The following ALK variants were observed in gnomAD, a reference collection of about 807,000 sequenced individuals.
ALK encodes the protein ALK receptor tyrosine kinase.
In ALK, 74 loss-of-function variants were observed where a neutral mutation model predicts 163.1. The observed-to-expected ratio is 0.45, with a 90% confidence interval of 0.38 to 0.55. ALK has a LOEUF of 0.55. Ranked by LOEUF, ALK falls within the 20% of genes least tolerant of loss-of-function variation. The probability of loss-of-function intolerance (pLI) is 0.00; values close to 1 mark genes in which losing one functional copy is unlikely to be tolerated. For missense variants in ALK, 2,063 were observed against 2,105.3 expected, an observed-to-expected ratio of 0.98 and a Z score of 0.39; for synonymous variants, 960 against 843.2, an observed-to-expected ratio of 1.14 and a Z score of -2.40.
intron 3 of ALK, among the ~76,000 whole-genome samples, chr2:29,566,425 T>G (rs1674191584): frequency 6.6e-6 from 1 of 152,212 alleles, no homozygotes; most frequent in East Asian, 1.9e-4. Context: ...CGGGTCTGCA[T>G]GGAACTTTGA....
chr2:29,253,049 G>C (rs536605403), intron 11 of ALK, among the ~76,000 whole-genome samples: 1 of 152,154 alleles, frequency 6.6e-6, no homozygotes, highest in Non-Finnish European at 1.5e-5. Context: ...CTGGAGTGCA[G>C]AGACACAATC....
chr2:29,491,133 T>C (rs149457386), intron 4 of ALK, among the ~76,000 whole-genome samples: 2 of 152,316 alleles, frequency 1.3e-5, no homozygotes, highest in African/African-American at 4.8e-5. Flanking sequence ...ATTATCTTAT[T>C]TTATTCTTTT....
intron 9 of ALK, among the ~76,000 whole-genome samples, chr2:29,293,900 T>TA (rs141230045): frequency 0.028 from 4,242 of 152,084 alleles, 75 homozygotes; most frequent in South Asian, 0.043. Flanking sequence ...TAAGCCCTAA[T>TA]AAAGTTACTT....
At chr2:29,218,402 G>C (rs1360841727) in intron 23 of ALK, among the ~76,000 whole-genome samples, 1 of 152,192 alleles carries the variant, frequency 6.6e-6, no homozygotes, top group Non-Finnish European at 1.5e-5. Flanking sequence ...TTGGGGACAG[G>C]CTCCTGTTCT....
At chr2:29,316,905 T>C (rs530668107) in intron 8 of ALK, among the ~76,000 whole-genome samples, 1 of 152,242 alleles carries the variant, frequency 6.6e-6, no homozygotes, top group Non-Finnish European at 1.5e-5. Flanking sequence ...TGTCGAGTTA[T>C]AAAATCAAAC....
chr2:29,832,624 G>T (rs992352958), intron 1 of ALK, among the ~76,000 whole-genome samples: 1 of 152,206 alleles, frequency 6.6e-6, no homozygotes, highest in African/African-American at 2.4e-5. Flanking sequence ...AGGCAATAGC[G>T]AAGCTAAAGC....
intron 9 of ALK, among the ~76,000 whole-genome samples, chr2:29,291,727 G>A (rs2339467): frequency 0.9 from 136,363 of 152,246 alleles, 62,300 homozygotes; most frequent in Non-Finnish European, 0.99. Flanking sequence ...TGTGAATTAA[G>A]CAGAATTTTT....
At chr2:29,448,366 CTTCTT>C (rs1382745188) in intron 4 of ALK, among the ~76,000 whole-genome samples, 4 of 152,182 alleles carry the variant, frequency 2.6e-5, no homozygotes, top group Non-Finnish European at 5.9e-5. Context: ...ATTCTCTTCT[CTTCTT>C]AATAGACTTG....
In ALK at chr2:29,531,913, A is replaced by G; in HGVS notation, c.1154+2T>C. On this transcript the variant is annotated splice_donor_variant, in intron 4 of 28. Coordinates refer to ENST00000389048, the MANE Select transcript of ALK (RefSeq NM_004304.5). LOFTEE classifies it high-confidence loss of function. ...CAATTTTGGACATGGAGAAGTACTT[A>G]CCCATGCTTCCCTGGAGTGGGCATC... 1 of 1,614,046 alleles carries G rather than the reference A, an allele frequency of 6.2e-7. No individual in the cohort carries two copies. The highest frequency in any genetic ancestry group is 8.5e-7 in the Non-Finnish European group (1 of 1,179,956).
At chr2:29,548,452 G>A (rs1046476791) in intron 3 of ALK, among the ~76,000 whole-genome samples, 2 of 150,186 alleles carry the variant, frequency 1.3e-5, no homozygotes. Context: ...CAGCATGGGC[G>A]ACAGAGCAAG....
intron 4 of ALK, among the ~76,000 whole-genome samples, chr2:29,386,752 CA>C (rs1442287775): frequency 6.6e-6 from 1 of 152,214 alleles, no homozygotes; most frequent in East Asian, 1.9e-4. Flanking sequence ...TTTACTGCTG[CA>C]ACTTTAATAA....
At chr2:29,296,770 T>G in intron 9 of ALK, 118 bp downstream of exon 9, 5 of 1,211,924 alleles carry the variant, frequency 4.1e-6, no homozygotes, top group Non-Finnish European at 6.0e-6. Context: ...CATATCGGTG[T>G]GTGGGCACAT....
intron 3 of ALK, among the ~76,000 whole-genome samples, chr2:29,643,529 A>G (rs1299278016): frequency 6.6e-6 from 1 of 152,198 alleles, no homozygotes; most frequent in Non-Finnish European, 1.5e-5. Context: ...GCTGGCTAAG[A>G]GAATTGGACA....
chr2:29,499,681 C>T (rs1441508254), intron 4 of ALK, among the ~76,000 whole-genome samples: 1 of 152,158 alleles, frequency 6.6e-6, no homozygotes, highest in Non-Finnish European at 1.5e-5. Context: ...CAGCTCTCCT[C>T]TTCCAACCCT....
At chr2:29,846,301 C>A (rs1164548667) in intron 1 of ALK, among the ~76,000 whole-genome samples, 8 of 152,204 alleles carry the variant, frequency 5.3e-5, no homozygotes, top group Non-Finnish European at 1.0e-4. Flanking sequence ...CCTTTATTAA[C>A]CACTGGAACT....
At chr2:29,808,929 C>A (rs1372105590) in intron 1 of ALK, among the ~76,000 whole-genome samples, 1 of 152,210 alleles carries the variant, frequency 6.6e-6, no homozygotes. Context: ...CTTCCTATGA[C>A]AGGCCTACAT....
chr2:29,664,753 A>G (rs1033340158), intron 3 of ALK, among the ~76,000 whole-genome samples: 2 of 152,034 alleles, frequency 1.3e-5, no homozygotes, highest in Non-Finnish European at 2.9e-5. Flanking sequence ...GCTTCCAACT[A>G]CTGAACCTTT....
intron 3 of ALK, among the ~76,000 whole-genome samples, chr2:29,551,114 T>C (rs112300484): frequency 6.6e-6 from 1 of 152,178 alleles, no homozygotes; most frequent in African/African-American, 2.4e-5. Flanking sequence ...TTAAAAACCT[T>C]AAACTGTGCA....
chr2:29,212,009 T>C (rs1669478716), intron 24 of ALK, among the ~76,000 whole-genome samples: 1 of 152,212 alleles, frequency 6.6e-6, no homozygotes, highest in African/African-American at 2.4e-5. Flanking sequence ...CAAAATGTCT[T>C]GTGGCTGTAG....
Sources: gnomAD v4.1 joint callset for allele counts (sites outside exome capture counted in the v4.1 genomes callset) on GRCh38, gnomAD v4.1.1 for gene constraint, MANE v1.5 for transcripts, NCBI Gene and HGNC (gene_info 2026-07-23, HGNC 2026-07-21) for gene names.